Variants in SNURF observed in about 807,000 individuals in gnomAD.
SNURF encodes the protein SNRPN upstream open reading frame, also known as SNURF protein.
In SNURF, 6 loss-of-function variants were observed where a neutral mutation model predicts 11.6. The ratio of observed to expected loss-of-function variants is 0.52; its 90% CI spans 0.28 to 1.02. The LOEUF (loss-of-function observed/expected upper bound fraction) is 1.02, where lower values mean the gene tolerates loss of function less well. SNURF is among the 50% of genes least tolerant of loss of function. The pLI is 0.09. For synonymous variants in SNURF, 29 were observed against 31.6 expected, an observed-to-expected ratio of 0.92 and a Z score of 0.27; for missense variants, 84 against 88.4, an observed-to-expected ratio of 0.95 and a Z score of 0.20.
chr15:24,956,020 G>A (rs891321292), intron 1 of SNURF, among the ~76,000 whole-genome samples: 5 of 152,040 alleles, frequency 3.3e-5, no homozygotes, highest in Non-Finnish European at 7.4e-5. Flanking sequence ...CTGTGGTGGT[G>A]GTGCTTTTTT....
At chr15:24,973,502 A>G (rs190419943), downstream of SNURF, among the ~76,000 whole-genome samples, 9 of 152,108 alleles carry the variant, frequency 5.9e-5, no homozygotes, top group East Asian at 1.2e-3. Context: ...GGTTCAAGCG[A>G]TTCTCCTACC....
intron 3 of SNURF, chr15:24,974,454 A>G (rs777191177): frequency 6.2e-7 from 1 of 1,613,766 alleles, no homozygotes; most frequent in East Asian, 2.2e-5. Context: ...AACAGCAATC[A>G]TGGTAAGCTG....
chr15:24,977,966 A>C (rs1156866705), downstream of SNURF: 1 of 1,483,312 alleles, frequency 6.7e-7, no homozygotes, highest in Non-Finnish European at 9.1e-7. Context: ...GATGAGAGAT[A>C]GCTTACTGAT....
exon 3 of SNURF, chr15:24,968,188 T>A: frequency 1.4e-6 from 1 of 723,682 alleles, no homozygotes. Flanking sequence ...CCTTAGAGCT[T>A]CATACAATAA....
intron 1 of SNURF, among the ~76,000 whole-genome samples, chr15:24,957,217 T>G (rs566710168): frequency 6.6e-6 from 1 of 152,178 alleles, no homozygotes; most frequent in Non-Finnish European, 1.5e-5. Flanking sequence ...CTTAAATGGG[T>G]TGGGGGAGAG....
intron 1 of SNURF, among the ~76,000 whole-genome samples, chr15:24,957,594 G>T (rs1288101789): frequency 1.3e-5 from 2 of 152,054 alleles, no homozygotes. Flanking sequence ...TATCATAACT[G>T]GTATGTCTGG....
chr15:24,963,066 T>C (rs2075086950), intron 2 of SNURF, among the ~76,000 whole-genome samples: 1 of 152,158 alleles, frequency 6.6e-6, no homozygotes, highest in East Asian at 1.9e-4. Context: ...CCTTGTCCTA[T>C]GCATTGTGTG....
chr15:24,969,496 CACA>C (rs1163166897), downstream of SNURF, among the ~76,000 whole-genome samples: 1 of 152,182 alleles, frequency 6.6e-6, no homozygotes. Flanking sequence ...ATCCTTTATA[CACA>C]ACATTTTCTA....
intron 5 of SNURF, chr15:24,976,496 G>A: frequency 1.0e-6 from 1 of 967,054 alleles, no homozygotes; most frequent in South Asian, 1.4e-5. Flanking sequence ...TCAGGGTAGA[G>A]CAGACACAGT....
chr15:24,970,718 AT>A (rs2076292931), downstream of SNURF, among the ~76,000 whole-genome samples: 2 of 152,296 alleles, frequency 1.3e-5, no homozygotes, highest in African/African-American at 4.8e-5. Context: ...TTTTTGTTAC[AT>A]TGTTTTCTAA....
At position 24,966,750 on chromosome 15, in the gene SNURF, C is replaced by G. The variant is rs375475030; in HGVS notation, c.111-1182C>G. Among the ~76,000 whole-genome samples, 35 of 152,206 alleles carry G rather than the reference C, an allele frequency of 2.3e-4. 1 individual carries two copies. Among genetic ancestry groups the G allele is most frequent in the African/African-American group, 8.2e-4 (34 of 41,522 alleles). On this transcript the variant is annotated intron_variant, in intron 2 of 2. Coordinates refer to ENST00000577949, the Ensembl canonical transcript of SNURF. ...AGTTAAATTCTTTATTATACAGAAG[C>G]AATTTTAAAATGTTACTGAAAAACC...
At chr15:24,967,072 A>G (rs2075747216) in intron 2 of SNURF, 1 of 152,108 alleles carries the variant, frequency 6.6e-6, no homozygotes, top group African/African-American at 2.4e-5. Flanking sequence ...CGGCCTAAAC[A>G]TCTCCCTGCA....
At chr15:24,977,823 G>T (rs2077237082) in exon 7 of SNURF, 2 of 1,613,336 alleles carry the variant, frequency 1.2e-6, no homozygotes, top group East Asian at 4.5e-5. Context: ...TGCTGCTGTT[G>T]CTGCGACTGC....
exon 2 of SNURF, chr15:24,962,181 A>C: frequency 6.2e-7 from 1 of 1,614,172 alleles, no homozygotes; most frequent in Non-Finnish European, 8.5e-7. Flanking sequence ...AGTCAAACGC[A>C]GAAGGACTGC....
At chr15:24,974,747 C>G (rs2076868718) in intron 3 of SNURF, 1 of 607,758 alleles carries the variant, frequency 1.6e-6, no homozygotes, top group Non-Finnish European at 2.9e-6. Context: ...TTATTAGAAA[C>G]AGGGTTTCAC....
At chr15:24,967,693 A>G (rs2075848702) in intron 2 of SNURF, among the ~76,000 whole-genome samples, 1 of 151,116 alleles carries the variant, frequency 6.6e-6, no homozygotes. Flanking sequence ...CTGTAATCCC[A>G]GCTACTTGGG....
At chr15:24,956,482 C>T (rs1032795512) in intron 1 of SNURF, among the ~76,000 whole-genome samples, 1 of 152,096 alleles carries the variant, frequency 6.6e-6, no homozygotes, top group Non-Finnish European at 1.5e-5. Context: ...GAGAGGAAGC[C>T]GGCCAAGGTG....
chr15:24,975,067 T>G, intron 3 of SNURF: 1 of 683,182 alleles, frequency 1.5e-6, no homozygotes. Context: ...CATTGTGGTT[T>G]GGTTTACTTA....
chr15:24,960,884 T>G (rs1437999017), intron 1 of SNURF, among the ~76,000 whole-genome samples: 1 of 152,220 alleles, frequency 6.6e-6, no homozygotes, highest in Non-Finnish European at 1.5e-5. Flanking sequence ...GAAATCATTC[T>G]TATCAAAATT....
Sources: allele counts gnomAD v4.1 joint callset (sites outside exome capture counted in the v4.1 genomes callset), GRCh38; gene constraint gnomAD v4.1.1; transcripts MANE v1.5; gene names NCBI Gene and HGNC (gene_info 2026-07-23, HGNC 2026-07-21).